Variants in KIRREL3 observed in about 807,000 individuals in gnomAD.
KIRREL3 encodes the protein kin of IRRE-like protein 3.
A neutral mutation model predicts 89.7 loss-of-function variants in KIRREL3; 36 were observed. That is an observed-to-expected ratio of 0.40 (90% CI 0.31 to 0.53). The LOEUF (loss-of-function observed/expected upper bound fraction) is 0.53, where lower values mean the gene tolerates loss of function less well. Ranked by LOEUF, KIRREL3 falls within the 20% of genes least tolerant of loss-of-function variation. The pLI is 0.49. For synonymous variants in KIRREL3, 445 were observed against 441.4 expected, an observed-to-expected ratio of 1.01 and a Z score of -0.10; for missense variants, 864 against 1,056.6, an observed-to-expected ratio of 0.82 and a Z score of 2.53.
intron 2 of KIRREL3, among the ~76,000 whole-genome samples, chr11:126,559,484 T>A (rs1033623355): frequency 6.6e-6 from 1 of 152,266 alleles, no homozygotes; most frequent in Middle Eastern, 3.4e-3. Flanking sequence ...AGCAGACCAA[T>A]AAATAATCAC....
At position 126,771,685 on chromosome 11, in the gene KIRREL3, G is replaced by C. The variant is rs374568135; in HGVS notation, c.56-208773C>G. The stretch of plus-strand genomic sequence containing the variant: ...GTTAATAAATATTTGCTGAATGAAT[G>C]ACTGGCTTCTACTGGTGATAATGAA... On this transcript the variant is annotated intron_variant, in intron 1 of 16. Transcript: ENST00000525144. The surrounding 1 kb of genome is among the most constrained non-coding windows in gnomAD (Gnocchi z 4.4). Among the ~76,000 whole-genome samples the C allele has an allele frequency of 7.2e-5, 11 of 152,268 alleles. 1 individual carries two copies. The highest frequency in any genetic ancestry group is 4.6e-4 in the Admixed American group (7 of 15,308).
At chr11:126,617,639 T>A (rs1943407330) in intron 1 of KIRREL3, among the ~76,000 whole-genome samples, 1 of 152,156 alleles carries the variant, frequency 6.6e-6, no homozygotes, top group African/African-American at 2.4e-5. Flanking sequence ...ATTTATTGAG[T>A]TCCTACTAGG....
At chr11:126,720,289 G>C (rs1346312460) in intron 1 of KIRREL3, among the ~76,000 whole-genome samples, 2 of 152,202 alleles carry the variant, frequency 1.3e-5, no homozygotes, top group Non-Finnish European at 2.9e-5. Flanking sequence ...GATGAATTTA[G>C]ACCTGGTGAG....
chr11:126,796,164 T>G lies in KIRREL3; in HGVS notation c.55+204291A>C, dbSNP rs565572678. Among the ~76,000 whole-genome samples, 1 of 151,392 alleles carries G rather than the reference T, an allele frequency of 6.6e-6. No homozygotes were observed. Among genetic ancestry groups the G allele is most frequent in the African/African-American group, 2.4e-5 (1 of 41,216 alleles). On this transcript the variant is annotated intron_variant, in intron 1 of 16. Coordinates refer to ENST00000525144, the MANE Select transcript of KIRREL3 (RefSeq NM_032531.4). The surrounding 1 kb of genome is among the most constrained non-coding windows in gnomAD (Gnocchi z 5.1). ...AATCCTGAACATTCTTTTCAGTCTC[T>G]AGAGGTCATGAAGGGAAGAAGGGGT...
In KIRREL3 at chr11:126,747,633, T is replaced by A. The variant is rs866295450; in HGVS notation, c.56-184721A>T. Among the ~76,000 whole-genome samples the A allele has an allele frequency of 6.6e-6, 1 of 152,170 alleles. No individual in the cohort carries two copies. The highest frequency in any genetic ancestry group is 2.4e-5 in the African/African-American group (1 of 41,442). On this transcript the variant is annotated intron_variant, in intron 1 of 16. Transcript: ENST00000525144. This position sits in a 1 kb window ranked among gnomAD's most constrained non-coding sequence, Gnocchi z 4.7. Reference sequence around the variant, plus strand: ...CGTGGTATTAGGAACCTGGTATAACTGAGAGCGCATCTCCCTTGAGTTCCT... The same window carrying A: ...CGTGGTATTAGGAACCTGGTATAACAGAGAGCGCATCTCCCTTGAGTTCCT...
rs1016403665 is a variant in KIRREL3, at chr11:126,428,487, T to G, written c.1806+692A>C. On this transcript the variant is annotated intron_variant, in intron 15 of 16. Transcript: ENST00000525144. This position sits in a 1 kb window ranked among gnomAD's most constrained non-coding sequence, Gnocchi z 6.4. The stretch of plus-strand genomic sequence containing the variant: ...GACTGTTTTGGTGGGGTGCGGGGGA[T>G]GAGGGAGAGGGACATGTATTGAATA... Among the ~76,000 whole-genome samples, 1 of 151,550 alleles carries G rather than the reference T, an allele frequency of 6.6e-6. No individual in the cohort carries two copies. Among genetic ancestry groups the G allele is most frequent in the Middle Eastern group, 3.4e-3 (1 of 294 alleles).
At chr11:126,770,250 T>C (rs1410213704) in intron 1 of KIRREL3, among the ~76,000 whole-genome samples, 1 of 152,194 alleles carries the variant, frequency 6.6e-6, no homozygotes, top group East Asian at 1.9e-4. Context: ...TCCTTTCTCT[T>C]GTCTTGCCTT....
At chr11:126,988,693 A>G (rs1949940095) in intron 1 of KIRREL3, among the ~76,000 whole-genome samples, 1 of 152,160 alleles carries the variant, frequency 6.6e-6, no homozygotes, top group African/African-American at 2.4e-5. Context: ...AATCTGTCTA[A>G]GCCTCAGTAG....
At position 126,890,101 on chromosome 11, in the gene KIRREL3, T is replaced by G. The variant is rs968168289; in HGVS notation, c.55+110354A>C. ...CTTGTGTCCTTTCATTCTAGGGGGA[T>G]GGGTCAGTGCAATCTCTGTAGTTAA... On this transcript the variant is annotated intron_variant, in intron 1 of 16. Coordinates refer to ENST00000525144, the MANE Select transcript of KIRREL3 (RefSeq NM_032531.4). This position sits in a 1 kb window ranked among gnomAD's most constrained non-coding sequence, Gnocchi z 5.1. Among the ~76,000 whole-genome samples the G allele has an allele frequency of 3.3e-5, 5 of 152,162 alleles. No homozygotes were observed. The highest frequency in any genetic ancestry group is 9.7e-5 in the African/African-American group (4 of 41,434).
chr11:126,583,649 C>G (rs546846501), intron 1 of KIRREL3, among the ~76,000 whole-genome samples: 2 of 152,324 alleles, frequency 1.3e-5, no homozygotes, highest in African/African-American at 4.8e-5. Context: ...CCTCTGTGAG[C>G]CTGCTTCCTT....
rs1016627064 is a variant in KIRREL3 at position 126,747,396 on chromosome 11, C to T, written c.56-184484G>A. On this transcript the variant is annotated intron_variant, in intron 1 of 16. Transcript: ENST00000525144. The surrounding 1 kb of genome is among the most constrained non-coding windows in gnomAD (Gnocchi z 4.7). ...AGTACCGTCGTCCCATGCTCTTCCCCATTATGTCCTCTACACTCCAGTTAT... is the reference window on the plus strand; with the variant it reads ...AGTACCGTCGTCCCATGCTCTTCCCTATTATGTCCTCTACACTCCAGTTAT... Among the ~76,000 whole-genome samples the T allele has an allele frequency of 6.6e-6, 1 of 152,222 alleles. No homozygotes were observed. The highest frequency in any genetic ancestry group is 2.4e-5 in the African/African-American group (1 of 41,454).
chr11:126,726,463 G>A (rs1051097922), intron 1 of KIRREL3, among the ~76,000 whole-genome samples: 2 of 152,122 alleles, frequency 1.3e-5, no homozygotes, highest in African/African-American at 4.8e-5. Context: ...CTCCTCCTGG[G>A]TTCAAGCGAT....
intron 1 of KIRREL3, among the ~76,000 whole-genome samples, chr11:126,800,541 C>A (rs1033597804): frequency 6.6e-6 from 1 of 152,134 alleles, no homozygotes; most frequent in Non-Finnish European, 1.5e-5. Context: ...TATCAGCAAC[C>A]TTATACCTCT....
rs1300840589 is a variant in KIRREL3, at chr11:126,780,926, TGA to T, written c.56-218016_56-218015del. Among the ~76,000 whole-genome samples the T allele has an allele frequency of 2.0e-5, 3 of 152,260 alleles. No homozygotes were observed. The highest frequency in any genetic ancestry group is 7.2e-5 in the African/African-American group (3 of 41,474). On this transcript the variant is annotated intron_variant, in intron 1 of 16. Coordinates refer to ENST00000525144, the MANE Select transcript of KIRREL3 (RefSeq NM_032531.4). The surrounding 1 kb of genome is among the most constrained non-coding windows in gnomAD (Gnocchi z 5.3). Reference sequence around the variant, plus strand: ...AGCTGCCTTATGGCTTAGTTTGTTATGAGTTTCAATCTATCATAGATGCTAAA... The same window carrying T: ...AGCTGCCTTATGGCTTAGTTTGTTATGTTTCAATCTATCATAGATGCTAAA...
rs945031074 is a variant in KIRREL3, at chr11:126,704,690, A to G, written c.56-141778T>C. 1.3e-5 allele frequency among the ~76,000 whole-genome samples: 2 copies of G among 152,180 alleles called. No individual in the cohort carries two copies. The highest frequency in any genetic ancestry group is 4.8e-5 in the African/African-American group (2 of 41,434). ...AGTGAGGAAGTCTGAGTCTCTCCTG[A>G]TGCCCACGCTTCCAGGATGGCTCCT... On this transcript the variant is annotated intron_variant, in intron 1 of 16. Coordinates refer to ENST00000525144, the MANE Select transcript of KIRREL3 (RefSeq NM_032531.4). This position sits in a 1 kb window ranked among gnomAD's most constrained non-coding sequence, Gnocchi z 4.2.
intron 1 of KIRREL3, among the ~76,000 whole-genome samples, chr11:126,702,893 G>C (rs1251733975): frequency 2.0e-5 from 3 of 152,258 alleles, no homozygotes; most frequent in Non-Finnish European, 2.9e-5. Context: ...GAGAAAGCCT[G>C]TAGGAGGGGA....
At chr11:126,884,845 A>G (rs1434000288) in intron 1 of KIRREL3, among the ~76,000 whole-genome samples, 2 of 152,164 alleles carry the variant, frequency 1.3e-5, no homozygotes, top group African/African-American at 2.4e-5. Flanking sequence ...TGCAGTGGTG[A>G]GTAGATATCA....
intron 1 of KIRREL3, among the ~76,000 whole-genome samples, chr11:126,863,623 GTGTTTGAGTGCGTGT>G (rs1944819243): frequency 2.1e-5 from 1 of 48,496 alleles, no homozygotes; most frequent in Non-Finnish European, 4.6e-5. Flanking sequence ...GCGTGTGTGT[GTGTTTGAGTGCGTGT>G]GTGTGTGTTT....
In KIRREL3 at chr11:126,708,886, A is replaced by G. The variant is rs1425391906; in HGVS notation, c.56-145974T>C. Among the ~76,000 whole-genome samples, 1 of 152,192 alleles carries G rather than the reference A, an allele frequency of 6.6e-6. No homozygotes were observed. Among genetic ancestry groups the G allele is most frequent in the South Asian group, 2.1e-4 (1 of 4,816 alleles). On this transcript the variant is annotated intron_variant, in intron 1 of 16. Transcript: ENST00000525144. The surrounding 1 kb of genome is among the most constrained non-coding windows in gnomAD (Gnocchi z 5.7). ...TCCTTTTTCATTCTCCTCTCCTCAT[A>G]TCCAAACTGTCATTAAACTCAGTGT...
Sources: gnomAD v4.1 joint callset for allele counts (sites outside exome capture counted in the v4.1 genomes callset) on GRCh38, gnomAD v4.1.1 for gene constraint, Gnocchi (gnomAD v3.1) non-coding constraint, MANE v1.5 for transcripts, NCBI Gene and HGNC (gene_info 2026-07-23, HGNC 2026-07-21) for gene names.